The following WDR62 variants were observed in gnomAD, a reference collection of about 807,000 sequenced individuals.
WDR62 encodes WD repeat-containing protein 62.
In WDR62, 112 loss-of-function variants were observed where a neutral mutation model predicts 160.6. The ratio of observed to expected loss-of-function variants is 0.70; its 90% CI spans 0.60 to 0.82. The LOEUF (loss-of-function observed/expected upper bound fraction) is 0.82, where lower values mean the gene tolerates loss of function less well. Among genes scored for constraint, WDR62 ranks in the 40% least tolerant of loss-of-function variants. The probability of loss-of-function intolerance (pLI) is 0.00; values close to 1 mark genes in which losing one functional copy is unlikely to be tolerated. For synonymous variants in WDR62, 792 were observed against 815.1 expected, an observed-to-expected ratio of 0.97 and a Z score of 0.48; for missense variants, 1,819 against 1,983.8, an observed-to-expected ratio of 0.92 and a Z score of 1.58.
chr19:36,073,696 A>G (rs2145642733), intron 9 of WDR62, 165 bp downstream of exon 9: 3 of 701,930 alleles, frequency 4.3e-6, no homozygotes, highest in Non-Finnish European at 2.6e-6. Flanking sequence ...CCTGCCCTTA[A>G]CAAGCTCACA....
Position 36,086,612 on chromosome 19 carries a change from G to A in WDR62, c.1643-75G>A, listed in dbSNP as rs1972245833. On this transcript the variant is annotated intron_variant, in intron 12 of 31. Transcript: ENST00000401500. ...CCCTTCTCCGAGGACTGGGCAGCTTGGTCACACTGCCCTTCTGGGAGGCCA... is the reference window on the plus strand; with the variant it reads ...CCCTTCTCCGAGGACTGGGCAGCTTAGTCACACTGCCCTTCTGGGAGGCCA... 1.4e-5 allele frequency: 22 copies of A among 1,534,806 alleles called. No homozygotes were observed. The South Asian group carries it at 1.9e-4, about 13-fold the overall frequency.
chr19:36,084,662 G>A lies in WDR62; in HGVS notation c.1560G>A (p.Glu520=), dbSNP rs772011044. The A allele has an allele frequency of 1.2e-6, 2 of 1,613,838 alleles. No individual in the cohort carries two copies. The highest frequency in any genetic ancestry group is 2.2e-5 in the East Asian group (1 of 44,880). Residue 520 remains glutamate (E), a synonymous_variant, in exon 12 of 32, where the codon GAG becomes GAA. Transcript: ENST00000401500. ...GGTGTGTGTCTCCCAGGATCCACGA[G>A]CTGCACTTCATGGACGAGCTGGTCA... ...GDRSGNLRIH[E]LHFMDELVKV... is the part of the protein sequence containing the mutation.
At chr19:36,086,457 A>G (rs1434205211) in intron 12 of WDR62, among the ~76,000 whole-genome samples, 1 of 152,136 alleles carries the variant, frequency 6.6e-6, no homozygotes, top group Non-Finnish European at 1.5e-5. Flanking sequence ...ATCGAGACTC[A>G]TCCTCCCTGA....
intron 1 of WDR62, among the ~76,000 whole-genome samples, chr19:36,057,239 A>G (rs1298092414): frequency 6.6e-6 from 1 of 152,184 alleles, no homozygotes; most frequent in Non-Finnish European, 1.5e-5. Flanking sequence ...TTAGAACAAC[A>G]CTGGCATATG....
At chr19:36,104,398 C>G (rs992756840) in intron 30 of WDR62, 120 bp from the exon 31 acceptor site, 1 of 1,303,562 alleles carries the variant, frequency 7.7e-7, no homozygotes, top group Non-Finnish European at 1.1e-6. Context: ...GGGGAGGGAG[C>G]CTTGGGGACC....
intron 2 of WDR62, chr19:36,059,101 G>A: frequency 3.0e-6 from 2 of 672,622 alleles, no homozygotes; most frequent in Non-Finnish European, 5.6e-6. Context: ...ACAGGGGGGA[G>A]GTGACAGCGA....
chr19:36,104,870 G>C lies in WDR62; in HGVS notation c.4414G>C (p.Val1472Leu), dbSNP rs944123844. 2 of 1,612,772 alleles carry C rather than the reference G, an allele frequency of 1.2e-6. No individual in the cohort carries two copies. The change falls in exon 32 of 32, where the codon GTG (valine) becomes CTG (leucine). Residue 1472 changes from valine (V) to leucine (L), a missense_variant. By Grantham distance (32) the Val-to-Leu change is conservative. This residue lies in a region of WDR62 where 770 missense variants were observed against 734.2 expected (regional missense o/e 1.05). Transcript: ENST00000401500. The stretch of plus-strand genomic sequence containing the variant: ...CAGCCAGCTGGAGGCTGAATGCCTG[G>C]TGGGGACTAGTGTGGCCCCAGCCCA... The part of the protein sequence containing the change: ...IHSQLEAECL[V>L]GTSVAPAQAL...
chr19:36,086,268 C>CA (rs149330137), intron 12 of WDR62, among the ~76,000 whole-genome samples: 2,139 of 152,202 alleles, frequency 0.014, 115 homozygotes, highest in South Asian at 0.12. Flanking sequence ...TGGCCACAGG[C>CA]AGTCAATAGG....
chr19:36,081,746 G>A, intron 10 of WDR62, 176 bp downstream of exon 10: 1 of 806,902 alleles, frequency 1.2e-6, no homozygotes, highest in Non-Finnish European at 2.1e-6. Context: ...TCTTTCTCCT[G>A]CCCCCTCTCT....
At chr19:36,075,595 G>A (rs1971534343) in intron 9 of WDR62, among the ~76,000 whole-genome samples, 1 of 152,180 alleles carries the variant, frequency 6.6e-6, no homozygotes, top group South Asian at 2.1e-4. Context: ...ACAGGCAGCC[G>A]CCACCACGCC....
In WDR62 at chr19:36,103,398, A is replaced by C; in HGVS notation, c.3570A>C (p.Thr1190=). ...TCCCTGCTTCCTCCGTGCTGCCCAC[A>C]GACAGGAATCTCCCAACGCCCACAT... ...SCVPASSVLP[T]DRNLPTPTSA... Residue 1190 remains threonine, a synonymous_variant, in exon 30 of 32, where the codon ACA becomes ACC. Coordinates refer to ENST00000401500, the MANE Select transcript of WDR62 (RefSeq NM_001083961.2). 3 of 1,614,040 alleles carry C rather than the reference A, an allele frequency of 1.9e-6. No homozygotes were observed. Among genetic ancestry groups the C allele is most frequent in the Non-Finnish European group, 2.5e-6 (3 of 1,179,992 alleles).
In WDR62 at chr19:36,104,894, C is replaced by T. The variant is rs1568375083; in HGVS notation, c.4438C>T (p.Gln1480Ter). The T allele has an allele frequency of 6.2e-7, 1 of 1,611,680 alleles. No homozygotes were observed. Among genetic ancestry groups the T allele is most frequent in the Non-Finnish European group, 8.5e-7 (1 of 1,179,834 alleles). The change falls in exon 32 of 32, where the codon CAG becomes TAG. Residue 1480 changes from glutamine (Q) to a stop codon, truncating the protein, a stop_gained. Coordinates refer to ENST00000401500, the MANE Select transcript of WDR62 (RefSeq NM_001083961.2). LOFTEE classifies it high-confidence loss of function. ...GGTGGGGACTAGTGTGGCCCCAGCC[C>T]AGGCTCTGCCCAGCCCAGGACCCCC... ...CLVGTSVAPA[Q>*]ALPSPGPPSP...
chr19:36,093,994 T>C (rs761807258), intron 19 of WDR62, 37 bp from the exon 20 acceptor site: 2 of 1,612,550 alleles, frequency 1.2e-6, no homozygotes, highest in East Asian at 2.2e-5. Context: ...CCCATTTGCC[T>C]GTATTCTCTC....
downstream of WDR62, among the ~76,000 whole-genome samples, chr19:36,107,425 G>A (rs1010930076): frequency 6.6e-6 from 1 of 152,168 alleles, no homozygotes; most frequent in Non-Finnish European, 1.5e-5. Flanking sequence ...GGGGCTCACA[G>A]AGGGTGACAG....
Position 36,103,072 on chromosome 19 carries a change from C to G in WDR62, c.3460C>G (p.His1154Asp). 1 of 1,614,074 alleles carries G rather than the reference C, an allele frequency of 6.2e-7. No homozygotes were observed. Residue 1154 changes from histidine to aspartate, a missense_variant and splice_region_variant, in exon 28 of 32, where the codon CAC becomes GAC. His to Asp is a moderately conservative substitution (Grantham distance 81). Around this residue, in one of 3 missense-constraint regions of WDR62, gnomAD observed 770 missense variants for 734.2 expected, o/e 1.05. Coordinates refer to ENST00000401500, the MANE Select transcript of WDR62 (RefSeq NM_001083961.2). Reference sequence around the variant, plus strand: ...TGGCTACGCCTCCCCAGACAGGACCCACGTGAGTATTGGGCCCACCTCCGT... The same window carrying G: ...TGGCTACGCCTCCCCAGACAGGACCGACGTGAGTATTGGGCCCACCTCCGT... ...GTGYASPDRT[H>D]VLAAGKAEET...
rs137919897 is a variant in WDR62, at chr19:36,089,031, C to T, written c.1769-7C>T. On this transcript the variant is annotated splice_polypyrimidine_tract_variant and splice_region_variant and intron_variant, in intron 13 of 31. Transcript: ENST00000401500. ...CCTGCCTAACACACAGCGTCCTCCT[C>T]CCCTAGGCAACAGAGACATCCAGAT... The T allele has an allele frequency of 1.3e-4, 209 of 1,613,914 alleles. 1 individual carries two copies. In the African/African-American group the frequency reaches 2.3e-3, roughly 18 times the overall value.
At chr19:36,070,848 A>G (rs1971256962) in intron 7 of WDR62, 1 of 152,704 alleles carries the variant, frequency 6.5e-6, no homozygotes, top group Non-Finnish European at 1.5e-5. Context: ...AGATACTGTA[A>G]CTTTTTTCTG....
chr19:36,068,202 A>C (rs555282778), intron 7 of WDR62, among the ~76,000 whole-genome samples, 192 bp downstream of exon 7: 1 of 152,282 alleles, frequency 6.6e-6, no homozygotes, highest in East Asian at 1.9e-4. Flanking sequence ...GCTGATAAGG[A>C]AGTCACGTGA....
intron 9 of WDR62, among the ~76,000 whole-genome samples, chr19:36,076,919 C>T (rs994257920): frequency 1.8e-4 from 28 of 151,594 alleles, no homozygotes; most frequent in Admixed American, 8.5e-4. Context: ...CCCTTTTGAC[C>T]CCTGTTTATT....
Sources: allele counts gnomAD v4.1 joint callset (sites outside exome capture counted in the v4.1 genomes callset), GRCh38; gene constraint gnomAD v4.1.1; regional missense constraint gnomAD v4.1.1; transcripts MANE v1.5; gene names NCBI Gene and HGNC (gene_info 2026-07-23, HGNC 2026-07-21).